The following MYO15A variants were observed in gnomAD, a reference collection of about 807,000 sequenced individuals.
MYO15A encodes the protein myosin XVA, also known as unconventional myosin-XV.
In MYO15A, 308 loss-of-function variants were observed where a neutral mutation model predicts 394.6. That is an observed-to-expected ratio of 0.78 (90% CI 0.71 to 0.86). The LOEUF is 0.86. Ranked by LOEUF, MYO15A falls within the 40% of genes least tolerant of loss-of-function variation. The pLI is 0.00. For missense variants in MYO15A, 4,606 were observed against 4,799.1 expected (o/e 0.96, Z 1.19); for synonymous variants, 1,957 against 2,003.8 (o/e 0.98, Z 0.62).
intron 15 of MYO15A, 35 bp downstream of exon 15, chr17:18,136,721 A>T: frequency 1.3e-6 from 2 of 1,563,570 alleles, no homozygotes; most frequent in Non-Finnish European, 1.7e-6. Flanking sequence ...GGCGGGGGAC[A>T]TAGGCAAGGT....
intron 12 of MYO15A, among the ~76,000 whole-genome samples, chr17:18,133,610 C>A (rs1419229117): frequency 6.6e-6 from 1 of 152,044 alleles, no homozygotes; most frequent in Non-Finnish European, 1.5e-5. Flanking sequence ...TCCAGTTTGT[C>A]ATTTATGTTT....
At chr17:18,162,747 C>G in intron 58 of MYO15A, 68 bp downstream of exon 58, 1 of 1,534,278 alleles carries the variant, frequency 6.5e-7, no homozygotes, top group Admixed American at 1.7e-5. Context: ...TGCCTGTAAT[C>G]CCAGCACTTT....
intron 50 of MYO15A, 171 bp downstream of exon 50, chr17:18,157,401 C>A: frequency 9.6e-7 from 1 of 1,036,544 alleles, no homozygotes; most frequent in Non-Finnish European, 1.5e-6. Flanking sequence ...GACAGCCCAG[C>A]CCTCTGCTTT....
At chr17:18,130,675 C>T (rs2046138761) in intron 7 of MYO15A, 130 bp from the exon 8 acceptor site, 1 of 1,521,738 alleles carries the variant, frequency 6.6e-7, no homozygotes, top group Non-Finnish European at 9.0e-7. Context: ...CTCTGAGCCT[C>T]ACAGGTTTTT....
chr17:18,151,008 G>A (rs993716693), intron 38 of MYO15A, 95 bp downstream of exon 38: 35 of 1,606,508 alleles, frequency 2.2e-5, no homozygotes, highest in Non-Finnish European at 2.7e-5. Flanking sequence ...GTGCCTCTTT[G>A]AGCCCAGGAG....
intron 7 of MYO15A, 35 bp from the exon 8 acceptor site, chr17:18,130,770 T>G: frequency 1.2e-6 from 2 of 1,613,730 alleles, no homozygotes; most frequent in Non-Finnish European, 1.7e-6. Context: ...TGTTCTTGTC[T>G]GTCTCTTTGT....
At chr17:18,149,178 T>G (rs1479465769) in intron 33 of MYO15A, 38 bp from the exon 34 acceptor site, 1 of 1,612,774 alleles carries the variant, frequency 6.2e-7, no homozygotes, top group Admixed American at 1.7e-5. Flanking sequence ...CTGGGATCTC[T>G]CTGGGGGTCA....
chr17:18,122,700 G>C (rs2045961033), intron 2 of MYO15A: 2 of 427,998 alleles, frequency 4.7e-6, no homozygotes, highest in Non-Finnish European at 8.3e-6. Flanking sequence ...GGGCAGCCCT[G>C]CCCTGATCCA....
intron 12 of MYO15A, among the ~76,000 whole-genome samples, chr17:18,134,174 G>C (rs889341253): frequency 5.9e-5 from 9 of 151,766 alleles, no homozygotes; most frequent in African/African-American, 2.2e-4. Context: ...ATTTTTAGTA[G>C]AGATGGGGTT....
rs775998143 is a variant in MYO15A at position 18,118,751 on chromosome 17, C to T, written c.-50C>T. The T allele has an allele frequency of 6.2e-6, 10 of 1,606,744 alleles. No homozygotes were observed. The highest frequency in any genetic ancestry group is 1.7e-5 in the Admixed American group (1 of 59,120). On this transcript the variant is annotated 5_prime_UTR_variant, in exon 2 of 66. Transcript: ENST00000647165. ...GAGCAGGTCCCTGTGTCTCCAAGTC[C>T]CTGAGCCCGTGACACCGGCCCCAGG...
At chr17:18,177,633 T>C (rs2047032399) in intron 65 of MYO15A, 1 of 152,234 alleles carries the variant, frequency 6.6e-6, no homozygotes, top group African/African-American at 2.4e-5. Flanking sequence ...TCAAGCCTCT[T>C]ACCATCCAGG....
intron 1 of MYO15A, among the ~76,000 whole-genome samples, chr17:18,115,769 A>G (rs1161306532): frequency 2.6e-5 from 4 of 151,434 alleles, no homozygotes; most frequent in Non-Finnish European, 5.9e-5. Flanking sequence ...CACCCAGTGC[A>G]CCCCCACTGC....
At position 18,121,125 on chromosome 17, in the gene MYO15A, G is replaced by T. The variant is rs2045917912; in HGVS notation, c.2325G>T (p.Ser775=). 3 of 1,505,754 alleles carry T rather than the reference G, an allele frequency of 2.0e-6. No individual in the cohort carries two copies. The highest frequency in any genetic ancestry group is 2.9e-5 in the African/African-American group (2 of 69,316). 93.3% of individuals were successfully genotyped at this position (1,505,754 alleles called of 1,614,324 possible). ...SRRRAWSPLA[S]PQPSLRSSPG... is the part of the protein sequence containing the mutation. Reference sequence around the variant, plus strand: ...GGCGAGCTTGGTCACCGCTGGCCTCGCCCCAGCCCTCGCTGAGGAGCTCGC... The same window carrying T: ...GGCGAGCTTGGTCACCGCTGGCCTCTCCCCAGCCCTCGCTGAGGAGCTCGC... Residue 775 remains serine (S), a synonymous_variant, in exon 2 of 66, where the codon TCG becomes TCT. Coordinates refer to ENST00000647165, the MANE Select transcript of MYO15A (RefSeq NM_016239.4). This position sits in a 1 kb window ranked among gnomAD's most constrained non-coding sequence, Gnocchi z 5.3.
intron 1 of MYO15A, among the ~76,000 whole-genome samples, chr17:18,114,915 C>T (rs1257547218): frequency 6.6e-6 from 1 of 152,172 alleles, no homozygotes; most frequent in Non-Finnish European, 1.5e-5. Context: ...AGAGCTGTGG[C>T]TTCAATGCCA....
chr17:18,148,101 G>C lies in MYO15A; in HGVS notation c.6582G>C (p.Arg2194=), dbSNP rs765521097. 3 of 1,613,950 alleles carry C rather than the reference G, an allele frequency of 1.9e-6. No homozygotes were observed. The highest frequency in any genetic ancestry group is 2.2e-5 in the East Asian group (1 of 44,874). The change falls in exon 31 of 66, where the codon CGG becomes CGC. Residue 2194 remains arginine (R), a synonymous_variant. Coordinates refer to ENST00000647165, the MANE Select transcript of MYO15A (RefSeq NM_016239.4). The surrounding 1 kb of genome is among the most constrained non-coding windows in gnomAD (Gnocchi z 4.8). Reference sequence around the variant, plus strand: ...ACCGCCTCATGCAGGCCATGGGCCGGGCCCAACAGCAGGGCTCGGGGGCTG... The same window carrying C: ...ACCGCCTCATGCAGGCCATGGGCCGCGCCCAACAGCAGGGCTCGGGGGCTG... The part of the protein sequence containing the change: ...CQHRLMQAMG[R]AQQQGSGAAR...
At chr17:18,152,205 G>A (rs2046597412) in intron 42 of MYO15A, 21 bp downstream of exon 42, 2 of 1,544,540 alleles carry the variant, frequency 1.3e-6, no homozygotes, top group South Asian at 1.2e-5. Flanking sequence ...CAGGAGGGAG[G>A]GAGGGGAGGG....
Position 18,121,069 on chromosome 17 carries a change from T to G in MYO15A, c.2269T>G (p.Phe757Val). The G allele has an allele frequency of 6.6e-7, 1 of 1,506,466 alleles. No homozygotes were observed. The highest frequency in any genetic ancestry group is 8.8e-7 in the Non-Finnish European group (1 of 1,132,340). The allele number at this position is 1,506,466 out of a possible 1,614,324, so 93.3% of individuals were successfully genotyped here. Residue 757 changes from phenylalanine to valine, a missense_variant, in exon 2 of 66, where the codon TTC becomes GTC. Physicochemically the swap from Phe to Val is conservative, Grantham distance 50. Around this residue, in one of 2 missense-constraint regions of MYO15A, gnomAD observed 1,830 missense variants for 1,689.7 expected, o/e 1.08. Transcript: ENST00000647165. This position sits in a 1 kb window ranked among gnomAD's most constrained non-coding sequence, Gnocchi z 5.3. ...CCGCCGGAGAGGGGCGGCTTTCGGC[T>G]TCCCCGGGGCCTCTCCACGGGCGTC... ...GSRRRGAAFG[F>V]PGASPRASRR...
At position 18,118,624 on chromosome 17, in the gene MYO15A, G is replaced by A. The variant is rs1356458594; in HGVS notation, c.-177G>A. ...TCTAGAGGAGATGAATTATGGATCC[G>A]CCCTCCCGGAATCCTGGCTCGGCCC... On this transcript the variant is annotated 5_prime_UTR_variant, in exon 2 of 66. Transcript: ENST00000647165. The A allele has an allele frequency of 7.0e-6, 6 of 852,858 alleles. No homozygotes were observed. Among genetic ancestry groups the A allele is most frequent in the Non-Finnish European group, 1.1e-5 (6 of 560,152 alleles). The allele number at this position is 852,858 out of a possible 1,614,324, so 52.8% of individuals were successfully genotyped here.
intron 19 of MYO15A, among the ~76,000 whole-genome samples, chr17:18,139,827 C>G (rs1483233824): frequency 4.6e-5 from 7 of 152,354 alleles, no homozygotes; most frequent in Admixed American, 4.6e-4. Context: ...ATCCTGTCCT[C>G]TGGCTCCCCA....
Sources: gnomAD v4.1 joint callset for allele counts (sites outside exome capture counted in the v4.1 genomes callset) on GRCh38, gnomAD v4.1.1 for gene constraint, gnomAD v4.1.1 regional missense constraint, Gnocchi (gnomAD v3.1) non-coding constraint, MANE v1.5 for transcripts, NCBI Gene and HGNC (gene_info 2026-07-23, HGNC 2026-07-21) for gene names.